DGKD: variants seen among roughly 807,000 people sequenced by gnomAD.
DGKD encodes DAG kinase delta.
Under a neutral mutation model 154.4 loss-of-function variants are expected in DGKD, and 68 were observed. That is an observed-to-expected ratio of 0.44 (90% CI 0.36 to 0.54). DGKD has a LOEUF of 0.54. Among genes scored for constraint, DGKD ranks in the 20% least tolerant of loss-of-function variants. DGKD has a pLI of 0.00. For missense variants in DGKD, 1,343 were observed against 1,593.6 expected (o/e 0.84, Z 2.68); for synonymous variants, 693 against 638.0 (o/e 1.09, Z -1.30).
chr2:233,425,884 C>T (rs2062280901), intron 3 of DGKD, among the ~76,000 whole-genome samples: 1 of 152,152 alleles, frequency 6.6e-6, no homozygotes, highest in South Asian at 2.1e-4. Context: ...TGTGATTTCT[C>T]ATGAAGATAC....
intron 25 of DGKD, 83 bp from the exon 26 acceptor site, chr2:233,462,560 G>A (rs1340625988): frequency 4.6e-6 from 7 of 1,527,090 alleles, no homozygotes; most frequent in East Asian, 2.3e-5. Flanking sequence ...GTGCATGTTC[G>A]GCCCTCCCAG....
chr2:233,457,489 C>T lies in DGKD; in HGVS notation c.2580+161C>T, dbSNP rs538629355. On this transcript the variant is annotated intron_variant, in intron 21 of 29. Coordinates refer to ENST00000264057, the MANE Select transcript of DGKD (RefSeq NM_152879.3). The surrounding 1 kb of genome is among the most constrained non-coding windows in gnomAD (Gnocchi z 5.5). ...GATAGACAGGGTCCCCCACCCAGCT[C>T]ATCGTCTAGAGGGCTGAGCAGAGCA... 2 of 698,834 alleles carry T rather than the reference C, an allele frequency of 2.9e-6. No homozygotes were observed. The highest frequency in any genetic ancestry group is 5.2e-6 in the Non-Finnish European group (2 of 383,340). The allele number at this position is 698,834 out of a possible 1,614,324, so 43.3% of individuals were successfully genotyped here.
intron 26 of DGKD, among the ~76,000 whole-genome samples, chr2:233,462,944 G>A (rs572896717): frequency 1.3e-5 from 2 of 152,322 alleles, no homozygotes; most frequent in East Asian, 3.9e-4. Context: ...TGCGAGAAGC[G>A]CTTGCAGCGG....
intron 1 of DGKD, among the ~76,000 whole-genome samples, chr2:233,364,434 T>C (rs529107095): frequency 6.6e-6 from 1 of 152,324 alleles, no homozygotes; most frequent in South Asian, 2.1e-4. Context: ...ACTATAAAAA[T>C]TATGCCTTTG....
At chr2:233,437,228 G>A (rs546185675) in intron 7 of DGKD, 149 bp from the exon 8 acceptor site, 150 of 686,742 alleles carry the variant, frequency 2.2e-4, no homozygotes, top group East Asian at 1.6e-3. Context: ...ATAGCAGGCC[G>A]GCCCAGGGCC....
chr2:233,442,899 C>T (rs1197250364), intron 10 of DGKD, among the ~76,000 whole-genome samples: 1 of 152,166 alleles, frequency 6.6e-6, no homozygotes, highest in African/African-American at 2.4e-5. Context: ...CCACCGCGCC[C>T]GGCCTGTTAC....
rs751502326 is a variant in DGKD, at chr2:233,450,963, C to T, written c.2080C>T (p.Leu694=). ...PCEKLISKGS[L]SLGSSASLPP... is the part of the protein sequence containing the mutation. ...TGAAAAGCTGATCAGCAAAGGGAGT[C>T]TGTCCCTAGGCAGTTCTGCTTCCCT... The change falls in exon 17 of 30, where the codon CTG becomes TTG. Residue 694 remains leucine (L), a synonymous_variant. Transcript: ENST00000264057. 2.5e-6 allele frequency: 4 copies of T among 1,611,342 alleles called. No individual in the cohort carries two copies. Among genetic ancestry groups the T allele is most frequent in the Non-Finnish European group, 3.4e-6 (4 of 1,177,628 alleles).
intron 1 of DGKD, among the ~76,000 whole-genome samples, chr2:233,373,552 A>G (rs1387914610): frequency 1.3e-5 from 2 of 152,332 alleles, no homozygotes; most frequent in Admixed American, 6.5e-5. Flanking sequence ...ATGTCCTAAA[A>G]CAGCTGAAAC....
intron 24 of DGKD, among the ~76,000 whole-genome samples, chr2:233,461,925 A>G (rs1007304797): frequency 6.6e-5 from 10 of 152,166 alleles, no homozygotes; most frequent in African/African-American, 2.4e-4. Context: ...CTGCACCAGG[A>G]TTGTCCTGTT....
At chr2:233,375,205 C>T (rs1230169345) in intron 1 of DGKD, among the ~76,000 whole-genome samples, 6 of 152,030 alleles carry the variant, frequency 3.9e-5, no homozygotes, top group Non-Finnish European at 2.9e-5. Flanking sequence ...GCAGGAGAAT[C>T]GTTTGAACCT....
chr2:233,378,753 A>C (rs868602185), intron 1 of DGKD, among the ~76,000 whole-genome samples: 45 of 152,136 alleles, frequency 3.0e-4, no homozygotes, highest in African/African-American at 1.1e-3. Flanking sequence ...AAGATTAGGG[A>C]TATTAGCCCT....
chr2:233,448,001 A>G, intron 12 of DGKD, 86 bp from the exon 13 acceptor site: 2 of 1,590,202 alleles, frequency 1.3e-6, no homozygotes, highest in African/African-American at 1.3e-5. Context: ...TGTGCTGGCA[A>G]GGAAGTGGCT....
At position 233,446,276 on chromosome 2, in the gene DGKD, C is replaced by T. The variant is rs559801105; in HGVS notation, c.1335-436C>T. Among the ~76,000 whole-genome samples, 6 of 152,336 alleles carry T rather than the reference C, an allele frequency of 3.9e-5. No homozygotes were observed. In the East Asian group the frequency reaches 1.2e-3, roughly 29 times the overall value. ...GGCACATGGGGTGCTGATGAGATGCCTCCTAGCCTTCCTAGTTGCTCCCAG... is the reference window on the plus strand; with the variant it reads ...GGCACATGGGGTGCTGATGAGATGCTTCCTAGCCTTCCTAGTTGCTCCCAG... On this transcript the variant is annotated intron_variant, in intron 11 of 29. Coordinates refer to ENST00000264057, the MANE Select transcript of DGKD (RefSeq NM_152879.3).
At chr2:233,399,149 C>T (rs1240375734) in intron 3 of DGKD, among the ~76,000 whole-genome samples, 1 of 152,244 alleles carries the variant, frequency 6.6e-6, no homozygotes, top group South Asian at 2.1e-4. Flanking sequence ...TTCTCACCCT[C>T]CCTGACCCTC....
At position 233,445,554 on chromosome 2, in the gene DGKD, G is replaced by A; in HGVS notation, c.1195-69G>A. On this transcript the variant is annotated intron_variant, in intron 10 of 29. Transcript: ENST00000264057. The surrounding 1 kb of genome is among the most constrained non-coding windows in gnomAD (Gnocchi z 5.5). ...AACCCTCACGGTGGGGGACAAGGAG[G>A]GCTGCGGGCTGGGAAGTGGCCCCTG... 1 of 1,518,082 alleles carries A rather than the reference G, an allele frequency of 6.6e-7. No individual in the cohort carries two copies. The highest frequency in any genetic ancestry group is 1.3e-5 in the South Asian group (1 of 75,404). The allele number at this position is 1,518,082 out of a possible 1,614,324, so 94.0% of individuals were successfully genotyped here.
In DGKD at chr2:233,449,123, G is replaced by T. The variant is rs1257060082; in HGVS notation, c.1635G>T (p.Lys545Asn). The T allele has an allele frequency of 3.8e-6, 6 of 1,598,376 alleles. No homozygotes were observed. Among genetic ancestry groups the T allele is most frequent in the East Asian group, 2.3e-5 (1 of 44,430 alleles). The change falls in exon 15 of 30, where the codon AAG becomes AAT. Residue 545 changes from lysine (K) to asparagine (N), a missense_variant. Coordinates refer to ENST00000264057, the MANE Select transcript of DGKD (RefSeq NM_152879.3). This position sits in a 1 kb window ranked among gnomAD's most constrained non-coding sequence, Gnocchi z 5.3. ...TTCAGTGCTCTGTCCTGAAAGAGAAGCTGGATTCCCTTCTCAAGACCTTGG... is the reference window on the plus strand; with the variant it reads ...TTCAGTGCTCTGTCCTGAAAGAGAATCTGGATTCCCTTCTCAAGACCTTGG... The part of the protein sequence containing the change: ...MAKKCSVLKE[K>N]LDSLLKTLDD...
In DGKD at chr2:233,454,806, A is replaced by G; in HGVS notation, c.2308A>G (p.Ile770Val). 6.2e-7 allele frequency: 1 copy of G among 1,614,046 alleles called. No individual in the cohort carries two copies. The highest frequency in any genetic ancestry group is 8.5e-7 in the Non-Finnish European group (1 of 1,179,926). The change falls in exon 19 of 30, where the codon ATT becomes GTT. Residue 770 changes from isoleucine to valine, a missense_variant. Physicochemically the swap from Ile to Val is conservative, Grantham distance 29. Transcript: ENST00000264057. ...EKCVMNNYFG[I>V]GLDAKISLDF... ...ATGTGTCATGAACAACTATTTTGGC[A>G]TTGGCCTGGATGCGAAGATATCCCT...
chr2:233,359,698 G>A (rs778472976), intron 1 of DGKD, among the ~76,000 whole-genome samples: 2 of 152,122 alleles, frequency 1.3e-5, no homozygotes, highest in Non-Finnish European at 2.9e-5. Flanking sequence ...ATTACATTTT[G>A]TATTTCACTG....
intron 3 of DGKD, among the ~76,000 whole-genome samples, chr2:233,397,018 GGGGGGGGGGCGC>G (rs1704113130): frequency 6.7e-5 from 1 of 14,840 alleles, no homozygotes; most frequent in Non-Finnish European, 1.2e-4. Context: ...AGGGTGGCTG[GGGGGGGGGGCGC>G]CAGAGTGAGA....
Sources: allele counts gnomAD v4.1 joint callset (sites outside exome capture counted in the v4.1 genomes callset), GRCh38; gene constraint gnomAD v4.1.1; non-coding constraint Gnocchi (gnomAD v3.1); transcripts MANE v1.5; gene names NCBI Gene and HGNC (gene_info 2026-07-23, HGNC 2026-07-21).